Variants in ZFHX3 observed in about 807,000 individuals in gnomAD.
ZFHX3 encodes zinc finger homeobox protein 3.
In ZFHX3, 42 loss-of-function variants were observed where a neutral mutation model predicts 279.1. The observed-to-expected ratio is 0.15, with a 90% CI of 0.12 to 0.19. ZFHX3 has a LOEUF of 0.19. Ranked by LOEUF, ZFHX3 falls within the 10% of genes least tolerant of loss-of-function variation. The pLI is 1.00. For missense variants in ZFHX3, 4,981 were observed against 4,754.0 expected (o/e 1.05, Z -1.40); for synonymous variants, 2,293 against 1,957.8 (o/e 1.17, Z -4.52).
intron 1 of ZFHX3, among the ~76,000 whole-genome samples, chr16:73,779,871 G>C (rs72803152): frequency 0.26 from 39,555 of 151,648 alleles, 5,414 homozygotes; most frequent in Non-Finnish European, 0.3. Context: ...TCATGCACCA[G>C]CAACACCCAG....
At chr16:72,829,249 G>A (rs2037007620) in intron 5 of ZFHX3, among the ~76,000 whole-genome samples, 1 of 151,438 alleles carries the variant, frequency 6.6e-6, no homozygotes, top group Admixed American at 6.6e-5. Context: ...CTGGGCTCAA[G>A]TGATCCTCCC....
intron 3 of ZFHX3, among the ~76,000 whole-genome samples, chr16:72,906,138 G>C (rs1311808884): frequency 6.6e-6 from 1 of 151,848 alleles, no homozygotes; most frequent in Non-Finnish European, 1.5e-5. Context: ...CAAGCAATTC[G>C]ATCCAAAGAT....
chr16:73,105,855 A>T (rs187321194), intron 7 of ZFHX3, among the ~76,000 whole-genome samples: 124 of 152,198 alleles, frequency 8.1e-4, no homozygotes, highest in African/African-American at 3.0e-3. Flanking sequence ...CCTCATGATC[A>T]TCATGATCGA....
intron 2 of ZFHX3, among the ~76,000 whole-genome samples, chr16:73,557,072 G>C (rs984251044): frequency 1.4e-5 from 2 of 138,068 alleles, no homozygotes; most frequent in African/African-American, 5.4e-5. Flanking sequence ...TCCACCCTGG[G>C]GGACAGAGCA....
intron 2 of ZFHX3, among the ~76,000 whole-genome samples, chr16:73,600,077 T>A (rs1301506694): frequency 1.3e-5 from 2 of 152,182 alleles, no homozygotes; most frequent in Non-Finnish European, 2.9e-5. Flanking sequence ...CATGCCAACA[T>A]TTTGTAAGGG....
In ZFHX3 at chr16:72,829,860, C is replaced by G. The variant is rs1026411515; in HGVS notation, c.3449-1G>C. ...CCTTCAACATCTTCAATGGCTTCTT[C>G]TGAAACAGAAGAAAAACATGTCAAG... is the stretch of plus-strand genomic sequence containing the variant. On this transcript the variant is annotated splice_acceptor_variant, in intron 4 of 9. Coordinates refer to ENST00000268489, the MANE Select transcript of ZFHX3 (RefSeq NM_006885.4). LOFTEE classifies it high-confidence loss of function. 3 of 1,614,040 alleles carry G rather than the reference C, an allele frequency of 1.9e-6. No individual in the cohort carries two copies. The African/African-American group carries it at 4.0e-5, about 22-fold the overall frequency.
chr16:72,975,804 T>C (rs1962323664), intron 1 of ZFHX3, among the ~76,000 whole-genome samples: 1 of 152,208 alleles, frequency 6.6e-6, no homozygotes, highest in East Asian at 1.9e-4. Context: ...ACAGATGGTC[T>C]TTCTCCTCTT....
intron 2 of ZFHX3, among the ~76,000 whole-genome samples, chr16:73,624,496 C>G (rs773260460): frequency 1.3e-5 from 2 of 152,024 alleles, no homozygotes; most frequent in Non-Finnish European, 2.9e-5. Flanking sequence ...GAAAGAAAGG[C>G]TTTGAGAGAG....
intron 1 of ZFHX3, among the ~76,000 whole-genome samples, chr16:73,022,962 T>C (rs559979908): frequency 1.3e-5 from 2 of 152,194 alleles, no homozygotes; most frequent in Non-Finnish European, 2.9e-5. Context: ...GTGCAGTGTC[T>C]CACGCCTGTA....
chr16:73,366,484 T>C (rs939036605), intron 3 of ZFHX3, among the ~76,000 whole-genome samples: 3 of 151,306 alleles, frequency 2.0e-5, no homozygotes, highest in African/African-American at 7.3e-5. Context: ...ATAGTCCCAG[T>C]AGTTTGGGAG....
At chr16:73,556,609 A>G (rs868200862) in intron 2 of ZFHX3, among the ~76,000 whole-genome samples, 2 of 152,032 alleles carry the variant, frequency 1.3e-5, no homozygotes, top group African/African-American at 2.4e-5. Context: ...GTGGCAGGGA[A>G]GCATGGGGAG....
intron 2 of ZFHX3, among the ~76,000 whole-genome samples, chr16:73,559,958 GTTC>G (rs1460487594): frequency 1.3e-5 from 2 of 152,260 alleles, no homozygotes; most frequent in African/African-American, 2.4e-5. Flanking sequence ...AATATTATCT[GTTC>G]TTCTTCCAGG....
chr16:73,129,438 AG>A lies in ZFHX3; in HGVS notation c.-897+1529del, dbSNP rs1207713755. Among the ~76,000 whole-genome samples the A allele has an allele frequency of 2.0e-5, 3 of 149,856 alleles. No individual in the cohort carries two copies. In the East Asian group the frequency reaches 6.0e-4, roughly 30 times the overall value. The stretch of plus-strand genomic sequence containing the variant: ...CAGAATTGAAGTGATATCTAGTGTC[AG>A]TCTCTATTTTCTCTGAGCCCATGAG... On this transcript the variant is annotated intron_variant, in intron 7 of 17. Coordinates refer to the ZFHX3 transcript ENST00000641206.
intron 2 of ZFHX3, among the ~76,000 whole-genome samples, chr16:73,524,564 A>T (rs949143598): frequency 1.3e-5 from 2 of 152,178 alleles, no homozygotes; most frequent in African/African-American, 2.4e-5. Flanking sequence ...CTTGATTCTC[A>T]CGTTCTGGAA....
chr16:73,299,537 T>C (rs2015003299), intron 4 of ZFHX3, among the ~76,000 whole-genome samples: 3 of 152,074 alleles, frequency 2.0e-5, no homozygotes, highest in South Asian at 4.2e-4. Context: ...CTAATGAATG[T>C]GGCGATATAA....
chr16:73,658,110 T>C (rs1487785768), intron 2 of ZFHX3, among the ~76,000 whole-genome samples: 1 of 152,216 alleles, frequency 6.6e-6, no homozygotes, highest in Non-Finnish European at 1.5e-5. Context: ...GAAGTACATA[T>C]AGCTTTTACT....
chr16:73,420,012 T>A (rs1175918512), intron 3 of ZFHX3: 1 of 151,832 alleles, frequency 6.6e-6, no homozygotes, highest in Non-Finnish European at 1.5e-5. Flanking sequence ...GCTCAAGTAA[T>A]CCTCCCACCT....
In ZFHX3 at chr16:73,682,896, A is replaced by G. The variant is rs111810057; in HGVS notation, c.-1607-2656T>C. On this transcript the variant is annotated intron_variant, in intron 1 of 17. Coordinates refer to the ZFHX3 transcript ENST00000641206. The stretch of plus-strand genomic sequence containing the variant: ...AAAGAAAGAAAGAAAGAAAGAAAGA[A>G]AGAAAGAAAGAGAAAGAAAGAGAGA... 9.6e-3 allele frequency among the ~76,000 whole-genome samples: 211 copies of G among 22,094 alleles called. 1 individual carries two copies. The highest frequency in any genetic ancestry group is 0.018 in the East Asian group (4 of 222). The allele number at this position is 22,094 out of a possible 152,430, so 14.5% of individuals were successfully genotyped here.
chr16:73,304,075 T>C (rs1404426934), intron 4 of ZFHX3, among the ~76,000 whole-genome samples: 1 of 151,938 alleles, frequency 6.6e-6, no homozygotes, highest in African/African-American at 2.4e-5. Context: ...TCACTGATTC[T>C]GGAAGAGAGG....
Sources: allele counts gnomAD v4.1 joint callset (sites outside exome capture counted in the v4.1 genomes callset), GRCh38; gene constraint gnomAD v4.1.1; transcripts MANE v1.5; gene names NCBI Gene and HGNC (gene_info 2026-07-23, HGNC 2026-07-21).